The following KLK5 variants were observed in gnomAD, a reference collection of about 807,000 sequenced individuals.
KLK5 encodes the protein kallikrein related peptidase 5.
A neutral mutation model predicts 24.0 loss-of-function variants in KLK5; 18 were observed. The ratio of observed to expected loss-of-function variants is 0.75; its 90% CI spans 0.52 to 1.11. The LOEUF (loss-of-function observed/expected upper bound fraction) is 1.11. Ranked by LOEUF, KLK5 falls within the 50% of genes most tolerant of loss-of-function variation. KLK5 has a pLI of 0.00. For missense variants in KLK5, 374 were observed against 379.2 expected (o/e 0.99, Z 0.11); for synonymous variants, 140 against 154.0 (o/e 0.91, Z 0.67).
At chr19:50,948,506 C>G in intron 5 of KLK5, 134 bp downstream of exon 5, 3 of 819,956 alleles carry the variant, frequency 3.7e-6, no homozygotes, top group Middle Eastern at 3.2e-4. Flanking sequence ...CACCACTACT[C>G]TAGGGTATGA....
rs1043999127 is a variant in KLK5 at position 50,947,471 on chromosome 19, C to T, written c.726+1169G>A. Among the ~76,000 whole-genome samples the T allele has an allele frequency of 1.3e-5, 2 of 152,152 alleles. No homozygotes were observed. The highest frequency in any genetic ancestry group is 2.9e-5 in the Non-Finnish European group (2 of 68,030). On this transcript the variant is annotated intron_variant, in intron 5 of 5. Transcript: ENST00000336334. The surrounding 1 kb of genome is among the most constrained non-coding windows in gnomAD (Gnocchi z 8.7). ...CCCTGACCACCTTTTTGAATATTGG[C>T]CCTTATTGTTTACTATCCTAAAACC...
rs766848629 is a variant in KLK5, at chr19:50,943,739, G to A, written c.774C>T (p.Leu258=). The change falls in exon 6 of 6, where the codon CTC becomes CTT. Residue 258 remains leucine, a synonymous_variant. Coordinates refer to ENST00000336334, the MANE Select transcript of KLK5 (RefSeq NM_012427.5). The part of the protein sequence containing the change: ...PVVCNGSLQG[L]VSWGDYPCAR... ...CACAAGGGTAATCTCCCCAGGACAC[G>A]AGTCCCTGCAGGGAGCCATTGCAGA... The A allele has an allele frequency of 1.2e-5, 19 of 1,613,850 alleles. No individual in the cohort carries two copies. In the South Asian group the frequency reaches 1.2e-4, roughly 10 times the overall value.
chr19:50,948,415 G>A (rs377671850), intron 5 of KLK5, among the ~76,000 whole-genome samples: 14 of 152,208 alleles, frequency 9.2e-5, no homozygotes, highest in East Asian at 7.7e-4. Flanking sequence ...GAGCCACTGC[G>A]CCCAGCCTTT....
At chr19:50,945,849 T>C (rs2090628670) in intron 5 of KLK5, among the ~76,000 whole-genome samples, 1 of 136,946 alleles carries the variant, frequency 7.3e-6, no homozygotes, top group Non-Finnish European at 1.6e-5. Flanking sequence ...AATAATGATG[T>C]AAGTGGTATG....
At chr19:50,943,906 A>G (rs1204503358) in intron 5 of KLK5, 120 bp from the exon 6 acceptor site, 5 of 693,302 alleles carry the variant, frequency 7.2e-6, no homozygotes, top group Middle Eastern at 4.0e-4. Context: ...ACACACAGAG[A>G]TGGAAAGTAC....
intron 2 of KLK5, among the ~76,000 whole-genome samples, chr19:50,950,914 G>A (rs1401545067): frequency 2.3e-5 from 3 of 130,434 alleles, no homozygotes; most frequent in Non-Finnish European, 3.2e-5. Context: ...AAAAAGCTCT[G>A]ACTTTGAAGG....
intron 5 of KLK5, among the ~76,000 whole-genome samples, chr19:50,945,953 T>G (rs920068617): frequency 6.6e-6 from 1 of 152,238 alleles, no homozygotes; most frequent in Non-Finnish European, 1.5e-5. Context: ...TCAAGTGATC[T>G]TCCCACTTCA....
At chr19:50,944,297 T>G (rs1382498033) in intron 5 of KLK5, among the ~76,000 whole-genome samples, 1 of 152,068 alleles carries the variant, frequency 6.6e-6, no homozygotes, top group Non-Finnish European at 1.5e-5. Context: ...TGAGCCACCA[T>G]GCCTGGCCTC....
At position 50,943,306 on chromosome 19, in the gene KLK5, C is replaced by T. The variant is rs2090604792; in HGVS notation, c.*325G>A. 1 of 210,234 alleles carries T rather than the reference C, an allele frequency of 4.8e-6. No homozygotes were observed. Among genetic ancestry groups the T allele is most frequent in the East Asian group, 1.1e-4 (1 of 9,454 alleles). 13.0% of individuals were successfully genotyped at this position (210,234 alleles called of 1,614,324 possible). ...ACAGGGAGGAGACACAGGAAGATTC[C>T]ACTTCTCAGTTTATTTCTGGGACTA... On this transcript the variant is annotated 3_prime_UTR_variant, in exon 6 of 6. Transcript: ENST00000336334.
At chr19:50,943,908 G>A (rs2090609901) in intron 5 of KLK5, 122 bp from the exon 6 acceptor site, 4 of 671,026 alleles carry the variant, frequency 6.0e-6, no homozygotes, top group Non-Finnish European at 9.9e-6. Context: ...ACACAGAGAT[G>A]GAAAGTACAG....
At chr19:50,950,893 A>AAG (rs970779839) in intron 2 of KLK5, among the ~76,000 whole-genome samples, 6 of 150,678 alleles carry the variant, frequency 4.0e-5, no homozygotes, top group Admixed American at 1.3e-4. Context: ...CTGTCTCCAA[A>AAG]AAAAAAAAAA....
chr19:50,944,831 C>T (rs926391124), intron 5 of KLK5, among the ~76,000 whole-genome samples: 2 of 152,144 alleles, frequency 1.3e-5, no homozygotes, highest in African/African-American at 2.4e-5. Flanking sequence ...GAAATCCATT[C>T]GCTTGGACTA....
At chr19:50,944,031 T>A (rs192032968) in intron 5 of KLK5, among the ~76,000 whole-genome samples, 2 of 148,950 alleles carry the variant, frequency 1.3e-5, no homozygotes, top group East Asian at 3.9e-4. Context: ...TGAGATGGAG[T>A]CTTACTCTGT....
chr19:50,945,759 C>A (rs905107859), intron 5 of KLK5, among the ~76,000 whole-genome samples: 1 of 143,558 alleles, frequency 7.0e-6, no homozygotes, highest in Non-Finnish European at 1.5e-5. Flanking sequence ...CCATTGCACT[C>A]CAGCCTGGGT....
chr19:50,952,484 T>G, intron 2 of KLK5, 101 bp downstream of exon 2: 1 of 777,670 alleles, frequency 1.3e-6, no homozygotes, highest in Non-Finnish European at 2.0e-6. Context: ...GGTCCCGGAG[T>G]CATGCCCAGG....
At position 50,944,597 on chromosome 19, in the gene KLK5, C is replaced by T. The variant is rs541539849; in HGVS notation, c.727-811G>A. On this transcript the variant is annotated intron_variant, in intron 5 of 5. Coordinates refer to ENST00000336334, the MANE Select transcript of KLK5 (RefSeq NM_012427.5). ...CTTATACCTCCCTTCTGCAAAAATA[C>T]GGTTCTCAGCCCCTGGATGAGGGTT... Among the ~76,000 whole-genome samples the T allele has an allele frequency of 2.6e-5, 4 of 152,286 alleles. No homozygotes were observed. The South Asian group carries it at 6.2e-4, about 24-fold the overall frequency.
At chr19:50,950,196 C>T in intron 2 of KLK5, 80 bp from the exon 3 acceptor site, 1 of 1,422,570 alleles carries the variant, frequency 7.0e-7, no homozygotes, top group Non-Finnish European at 9.6e-7. Context: ...AGAGGCCAGA[C>T]CAGCTAGAGG....
chr19:50,946,177 C>T (rs193131267), intron 5 of KLK5, among the ~76,000 whole-genome samples: 1 of 152,356 alleles, frequency 6.6e-6, no homozygotes, highest in African/African-American at 2.4e-5. Context: ...TAATTTCTCT[C>T]ATTATTTTTT....
chr19:50,943,895 G>T, intron 5 of KLK5, 109 bp from the exon 6 acceptor site: 1 of 754,748 alleles, frequency 1.3e-6, no homozygotes, highest in Non-Finnish European at 2.1e-6. Context: ...GATGGGAACA[G>T]ACACACAGAG....
Sources: gnomAD v4.1 joint callset for allele counts (sites outside exome capture counted in the v4.1 genomes callset) on GRCh38, gnomAD v4.1.1 for gene constraint, Gnocchi (gnomAD v3.1) non-coding constraint, MANE v1.5 for transcripts, NCBI Gene and HGNC (gene_info 2026-07-23, HGNC 2026-07-21) for gene names.